CIAO2A: variants seen among roughly 807,000 people sequenced by gnomAD.
CIAO2A encodes the protein cytosolic iron-sulfur assembly component 2A, also known as MIP18 family protein FAM96A.
A neutral mutation model predicts 22.4 loss-of-function variants in CIAO2A; 17 were observed. The observed-to-expected ratio is 0.76, with a 90% CI of 0.52 to 1.14. CIAO2A has a LOEUF of 1.14. Among genes scored for constraint, CIAO2A ranks in the 50% most tolerant of loss-of-function variants. The pLI is 0.00. For missense variants in CIAO2A, 192 were observed against 191.4 expected, an observed-to-expected ratio of 1.00 and a Z score of -0.02; for synonymous variants, 74 against 72.3, an observed-to-expected ratio of 1.02 and a Z score of -0.12.
At chr15:64,082,046 C>T (rs549845256) in intron 2 of CIAO2A, among the ~76,000 whole-genome samples, 1 of 151,840 alleles carries the variant, frequency 6.6e-6, no homozygotes, top group Non-Finnish European at 1.5e-5. Context: ...AACAAAACCT[C>T]AAACCATACA....
intron 3 of CIAO2A, among the ~76,000 whole-genome samples, chr15:64,075,830 A>T (rs80022506): frequency 1.3e-4 from 19 of 145,026 alleles, no homozygotes; most frequent in African/African-American, 4.5e-4. Flanking sequence ...TTGTATTATT[A>T]TTTTTTTTTT....
intron 1 of CIAO2A, among the ~76,000 whole-genome samples, chr15:64,092,877 G>T (rs371316610): frequency 6.6e-6 from 1 of 152,182 alleles, no homozygotes; most frequent in Admixed American, 6.5e-5. Flanking sequence ...ACAAAAAGTT[G>T]TAAGGCAATT....
At chr15:64,085,202 A>G (rs1176797947) in intron 2 of CIAO2A, among the ~76,000 whole-genome samples, 1 of 152,258 alleles carries the variant, frequency 6.6e-6, no homozygotes, top group African/African-American at 2.4e-5. Flanking sequence ...TGATGTACCA[A>G]TATGATTAGC....
At chr15:64,093,616 CA>C in intron 1 of CIAO2A, 28 bp downstream of exon 1, 1 of 1,599,098 alleles carries the variant, frequency 6.3e-7, no homozygotes. Flanking sequence ...CCTATAACGC[CA>C]AATGCTGTGC....
At chr15:64,081,719 G>T (rs1390032186) in intron 2 of CIAO2A, among the ~76,000 whole-genome samples, 1 of 151,504 alleles carries the variant, frequency 6.6e-6, no homozygotes, top group Non-Finnish European at 1.5e-5. Flanking sequence ...ATATATTTTT[G>T]GTACAGATGG....
intron 4 of CIAO2A, chr15:64,074,554 G>A (rs2080702074): frequency 6.6e-6 from 1 of 152,188 alleles, no homozygotes. Flanking sequence ...AGCTCGTGGG[G>A]TTTAAAGAAA....
chr15:64,088,869 A>AT lies in CIAO2A; in HGVS notation c.125-19dup, dbSNP rs2080818254. On this transcript the variant is annotated intron_variant, in intron 1 of 4. Coordinates refer to ENST00000300030, the MANE Select transcript of CIAO2A (RefSeq NM_032231.7). ...AATCAAATCTAAAGAATCATCAGAG[A>AT]TAAGATATTCTATTAAAACATGACT... is the stretch of plus-strand genomic sequence containing the variant. 1 of 1,595,830 alleles carries AT rather than the reference A, an allele frequency of 6.3e-7. No homozygotes were observed. Among genetic ancestry groups the AT allele is most frequent in the African/African-American group, 1.4e-5 (1 of 73,960 alleles).
intron 2 of CIAO2A, among the ~76,000 whole-genome samples, chr15:64,087,710 A>C (rs974000864): frequency 1.3e-5 from 2 of 152,022 alleles, no homozygotes; most frequent in Non-Finnish European, 2.9e-5. Context: ...CTTTTTTATA[A>C]ACTTGTTGCT....
At chr15:64,076,710 C>T (rs2080719636) in intron 3 of CIAO2A, among the ~76,000 whole-genome samples, 3 of 147,108 alleles carry the variant, frequency 2.0e-5, no homozygotes, top group South Asian at 4.3e-4. Context: ...CCTTAAAGGT[C>T]ATCTAGTCCA....
chr15:64,081,225 C>T (rs947946074), intron 2 of CIAO2A, 74 bp from the exon 3 acceptor site: 42 of 1,394,684 alleles, frequency 3.0e-5, no homozygotes, highest in African/African-American at 1.1e-4. Flanking sequence ...CATACAACTG[C>T]GTTTATGTGC....
intron 3 of CIAO2A, 105 bp from the exon 4 acceptor site, chr15:64,075,642 A>C: frequency 5.0e-6 from 3 of 597,834 alleles, no homozygotes; most frequent in Non-Finnish European, 8.3e-6. Flanking sequence ...ATGAGTGCCC[A>C]AATCCTGTTT....
chr15:64,075,009 G>A (rs1417194614), intron 4 of CIAO2A: 1 of 152,114 alleles, frequency 6.6e-6, no homozygotes, highest in Non-Finnish European at 1.5e-5. Context: ...CCCCACTTCT[G>A]CTATTTTTAA....
At chr15:64,085,318 A>G (rs140117534) in intron 2 of CIAO2A, among the ~76,000 whole-genome samples, 1,800 of 151,934 alleles carry the variant, frequency 0.012, 18 homozygotes, top group Non-Finnish European at 0.016. Context: ...GAGCCCAGGA[A>G]TTTGAGACCA....
chr15:64,075,081 C>T (rs2080706810), intron 4 of CIAO2A: 1 of 153,524 alleles, frequency 6.5e-6, no homozygotes, highest in Admixed American at 6.5e-5. Context: ...AGGTTCCCCA[C>T]TCCCATTCTA....
rs778254377 is a variant in CIAO2A at position 64,081,106 on chromosome 15, T to A, written c.335A>T (p.His112Leu). 1.2e-6 allele frequency: 2 copies of A among 1,613,272 alleles called. No individual in the cohort carries two copies. The highest frequency in any genetic ancestry group is 1.7e-6 in the Non-Finnish European group (2 of 1,179,752). The change falls in exon 3 of 5, where the codon CAT (histidine) becomes CTT (leucine). Residue 112 changes from histidine to leucine, a missense_variant. Physicochemically the swap from His to Leu is moderately conservative, Grantham distance 99. Transcript: ENST00000300030. ...VKLQRCLPFK[H>L]KLEIYISEGT... ...ACAAAAATACATCTTTCTTACCTTA[T>A]GTTTAAATGGTAAACATCGCTGAAG...
intron 2 of CIAO2A, among the ~76,000 whole-genome samples, chr15:64,085,676 A>G (rs1030181359): frequency 1.3e-5 from 2 of 152,108 alleles, no homozygotes; most frequent in South Asian, 2.1e-4. Flanking sequence ...AATACGGTAC[A>G]GCCAATAGAC....
intron 2 of CIAO2A, among the ~76,000 whole-genome samples, chr15:64,085,874 A>G (rs541658560): frequency 2.0e-4 from 30 of 151,748 alleles, no homozygotes; most frequent in African/African-American, 6.8e-4. Flanking sequence ...ACGCCCAGCT[A>G]ATTTTTTGCA....
At position 64,089,307 on chromosome 15, in the gene CIAO2A, G is replaced by A. The variant is rs939812120; in HGVS notation, c.125-456C>T. On this transcript the variant is annotated intron_variant, in intron 1 of 4. Transcript: ENST00000300030. ...AGAGGCAAAGGCGGGAGGATCACTT[G>A]AGCTCAGAAGTTCGAGACCAGCCTC... Among the ~76,000 whole-genome samples the A allele has an allele frequency of 2.0e-5, 3 of 152,142 alleles. No homozygotes were observed. The South Asian group carries it at 6.2e-4, about 31-fold the overall frequency.
intron 2 of CIAO2A, 138 bp from the exon 3 acceptor site, chr15:64,081,289 C>G (rs2080757646): frequency 1.6e-6 from 1 of 640,062 alleles, no homozygotes; most frequent in East Asian, 2.8e-5. Context: ...GAGCAGAGCT[C>G]CTTTGAGGCT....
Sources: gnomAD v4.1 joint callset for allele counts (sites outside exome capture counted in the v4.1 genomes callset) on GRCh38, gnomAD v4.1.1 for gene constraint, MANE v1.5 for transcripts, NCBI Gene and HGNC (gene_info 2026-07-23, HGNC 2026-07-21) for gene names.